DSG2: variants seen among roughly 807,000 people sequenced by gnomAD.
The protein encoded by DSG2 is desmoglein 2, also known as desmoglein-2.
In DSG2, 45 loss-of-function variants were observed where a neutral mutation model predicts 75.6. The ratio of observed to expected loss-of-function variants is 0.60; its 90% CI spans 0.47 to 0.76. The LOEUF (loss-of-function observed/expected upper bound fraction) is 0.76, where lower values mean the gene tolerates loss of function less well. Ranked by LOEUF, DSG2 falls within the 30% of genes least tolerant of loss-of-function variation. The pLI, the probability that DSG2 is intolerant of heterozygous loss-of-function variation, is 0.00. For missense variants in DSG2, 1,267 were observed against 1,357.4 expected (o/e 0.93, Z 1.05); for synonymous variants, 429 against 483.9 (o/e 0.89, Z 1.49).
At chr18:31,534,007 T>TTC (rs1567929856) in intron 9 of DSG2, among the ~76,000 whole-genome samples, 1 of 150,394 alleles carries the variant, frequency 6.6e-6, no homozygotes, top group African/African-American at 2.4e-5. Flanking sequence ...TTTTTTTTTT[T>TTC]TGAGACTGAG....
intron 8 of DSG2, among the ~76,000 whole-genome samples, chr18:31,525,274 G>T (rs1462382013): frequency 2.0e-5 from 3 of 152,142 alleles, no homozygotes; most frequent in Non-Finnish European, 4.4e-5. Context: ...CCCACACTTT[G>T]AGAAGCCAAG....
chr18:31,498,834 A>G (rs1460039712), intron 1 of DSG2, among the ~76,000 whole-genome samples: 1 of 152,246 alleles, frequency 6.6e-6, no homozygotes, highest in African/African-American at 2.4e-5. Context: ...TGTAATTTAC[A>G]AAGCTTAATT....
chr18:31,509,246 T>C (rs954165538), intron 1 of DSG2, among the ~76,000 whole-genome samples: 15 of 152,344 alleles, frequency 9.8e-5, no homozygotes, highest in Admixed American at 3.9e-4. Context: ...TGTCTTCCTC[T>C]TTGTAACTAA....
At chr18:31,503,815 G>A (rs2073025893) in intron 1 of DSG2, among the ~76,000 whole-genome samples, 2 of 152,104 alleles carry the variant, frequency 1.3e-5, no homozygotes, top group African/African-American at 2.4e-5. Flanking sequence ...CCAAAGGGGT[G>A]GGAAGGCATT....
chr18:31,518,422 AG>A, intron 2 of DSG2, 148 bp downstream of exon 2: 1 of 698,756 alleles, frequency 1.4e-6, no homozygotes, highest in Non-Finnish European at 2.5e-6. Flanking sequence ...GAGCTTATCC[AG>A]GGGTATTCAG....
Position 31,524,565 on chromosome 18 carries a change from C to A in DSG2, c.808C>A (p.Pro270Thr). Residue 270 changes from proline (P) to threonine (T), a missense_variant, in exon 7 of 15, where the codon CCT (proline) becomes ACT (threonine). Pro to Thr is a conservative substitution (Grantham distance 38, BLOSUM62 -1). Transcript: ENST00000261590. ...TATTTTGGATGTCAATGACAATATA[C>A]CTGTAGTAGAAAATAAAGTGGTAAC... is the stretch of plus-strand genomic sequence containing the variant. ...IRILDVNDNI[P>T]VVENKVLEGM... is the part of the protein sequence containing the mutation. 1 of 1,613,930 alleles carries A rather than the reference C, an allele frequency of 6.2e-7. No homozygotes were observed. The highest frequency in any genetic ancestry group is 8.5e-7 in the Non-Finnish European group (1 of 1,179,894).
chr18:31,504,682 C>A (rs569716002), intron 1 of DSG2, among the ~76,000 whole-genome samples: 3 of 152,288 alleles, frequency 2.0e-5, no homozygotes, highest in African/African-American at 7.2e-5. Context: ...TTGAGAATGT[C>A]CCCAGTGGCC....
At chr18:31,519,589 C>A (rs2073114903) in intron 2 of DSG2, among the ~76,000 whole-genome samples, 2 of 151,956 alleles carry the variant, frequency 1.3e-5, no homozygotes, top group South Asian at 2.1e-4. Context: ...CCAGAAAAAA[C>A]CCTACACTTT....
intron 1 of DSG2, among the ~76,000 whole-genome samples, chr18:31,506,478 C>T (rs2073039777): frequency 6.6e-6 from 1 of 152,196 alleles, no homozygotes; most frequent in African/African-American, 2.4e-5. Flanking sequence ...ACGCCTGCTT[C>T]CCACTTTAGA....
intron 8 of DSG2, among the ~76,000 whole-genome samples, chr18:31,528,025 G>A (rs540435978): frequency 1.3e-5 from 2 of 152,258 alleles, no homozygotes; most frequent in Admixed American, 6.5e-5. Context: ...GTTTTAAGGC[G>A]ACACAAACAT....
chr18:31,544,661 A>G (rs570675607), intron 14 of DSG2, among the ~76,000 whole-genome samples: 79 of 152,332 alleles, frequency 5.2e-4, no homozygotes, highest in African/African-American at 1.8e-3. Flanking sequence ...AAAATTGATA[A>G]ACATTTTACC....
intron 12 of DSG2, among the ~76,000 whole-genome samples, chr18:31,540,173 A>C (rs1188675733): frequency 6.6e-6 from 1 of 151,734 alleles, no homozygotes; most frequent in African/African-American, 2.4e-5. Flanking sequence ...CCCAAAACCA[A>C]CCCCCCTACC....
In DSG2 at chr18:31,542,603, G is replaced by A. The variant is rs554396523; in HGVS notation, c.2085G>A (p.Thr695=). Residue 695 remains threonine, a synonymous_variant, in exon 14 of 15, where the codon ACG becomes ACA. Coordinates refer to ENST00000261590, the MANE Select transcript of DSG2 (RefSeq NM_001943.5). ...NGVGGMAKEA[T]MKGSSSASIV... is the part of the protein sequence containing the mutation. ...TAGGAGGTATGGCCAAGGAAGCCAC[G>A]ATGAAAGGAAGTAGCTCTGCTTCCA... is the stretch of plus-strand genomic sequence containing the variant. The A allele has an allele frequency of 2.9e-5, 47 of 1,614,132 alleles. No individual in the cohort carries two copies. In the Middle Eastern group the frequency reaches 5.0e-4, roughly 17 times the overall value.
At chr18:31,498,380 C>T (rs2144277046) in intron 1 of DSG2, 84 bp downstream of exon 1, 6 of 1,227,174 alleles carry the variant, frequency 4.9e-6, no homozygotes, top group Admixed American at 4.2e-5. Context: ...CAGACTTGCC[C>T]GCCGCCCTTG....
chr18:31,532,045 G>T (rs1161678259), intron 9 of DSG2, among the ~76,000 whole-genome samples: 1 of 152,206 alleles, frequency 6.6e-6, no homozygotes, highest in Non-Finnish European at 1.5e-5. Flanking sequence ...CTTGCTCAGT[G>T]CCAGAGCTGC....
At chr18:31,545,683 G>C in intron 14 of DSG2, 38 bp from the exon 15 acceptor site, 1 of 1,603,476 alleles carries the variant, frequency 6.2e-7, no homozygotes, top group Non-Finnish European at 8.5e-7. Flanking sequence ...CTAATTATTT[G>C]TCTGTTTTGT....
At position 31,545,718 on chromosome 18, in the gene DSG2, T is replaced by G; in HGVS notation, c.2335-3T>G. 1 of 1,613,366 alleles carries G rather than the reference T, an allele frequency of 6.2e-7. No homozygotes were observed. The highest frequency in any genetic ancestry group is 8.5e-7 in the Non-Finnish European group (1 of 1,180,024). ...TGTTTGTTTTGTTTTGTTTTCATTT[T>G]AGAAAGCGGCCTCTTACACTGAGGA... On this transcript the variant is annotated splice_polypyrimidine_tract_variant and splice_region_variant and intron_variant, in intron 14 of 14. Transcript: ENST00000261590.
chr18:31,511,241 T>C (rs1598805383), intron 1 of DSG2, among the ~76,000 whole-genome samples: 1 of 152,324 alleles, frequency 6.6e-6, no homozygotes, highest in South Asian at 2.1e-4. Flanking sequence ...TTGTAAGGGC[T>C]ATCATGTGCA....
intron 1 of DSG2, among the ~76,000 whole-genome samples, chr18:31,508,520 A>G (rs1251946697): frequency 2.6e-5 from 4 of 151,750 alleles, no homozygotes; most frequent in Non-Finnish European, 5.9e-5. Context: ...CAGCCTCCCT[A>G]GTAGCTGGGA....
Sources: allele counts gnomAD v4.1 joint callset (sites outside exome capture counted in the v4.1 genomes callset), GRCh38; gene constraint gnomAD v4.1.1; transcripts MANE v1.5; gene names NCBI Gene and HGNC (gene_info 2026-07-23, HGNC 2026-07-21).